The following PTPRQ variants were observed in gnomAD, a reference collection of about 807,000 sequenced individuals.
PTPRQ encodes protein tyrosine phosphatase receptor type Q, also known as phosphatidylinositol phosphatase PTPRQ.
A neutral mutation model predicts 246.0 loss-of-function variants in PTPRQ; 199 were observed. That is an observed-to-expected ratio of 0.81 (90% CI 0.72 to 0.91). The LOEUF is 0.91. PTPRQ is among the 40% of genes least tolerant of loss of function. PTPRQ has a pLI of 0.00. For synonymous variants in PTPRQ, 869 were observed against 853.2 expected, an observed-to-expected ratio of 1.02 and a Z score of -0.32; for missense variants, 2,624 against 2,528.4, an observed-to-expected ratio of 1.04 and a Z score of -0.81.
intron 18 of PTPRQ, among the ~76,000 whole-genome samples, chr12:80,534,630 A>G (rs543453029): frequency 1.6e-4 from 25 of 152,118 alleles, no homozygotes; most frequent in Admixed American, 5.9e-4. Context: ...TCATATCCAG[A>G]GCAGTGGACA....
intron 25 of PTPRQ, among the ~76,000 whole-genome samples, chr12:80,552,753 G>A (rs532704690): frequency 2.2e-4 from 31 of 143,742 alleles, no homozygotes; most frequent in Non-Finnish European, 3.8e-4. Flanking sequence ...TAGAGATTGA[G>A]GGGATTCAAA....
chr12:80,642,622 A>G (rs1460244580), intron 35 of PTPRQ, among the ~76,000 whole-genome samples: 1 of 152,158 alleles, frequency 6.6e-6, no homozygotes, highest in Non-Finnish European at 1.5e-5. Context: ...TTTAAATAAA[A>G]ATAAATAACA....
At chr12:80,527,576 G>A (rs1293113869) in intron 17 of PTPRQ, among the ~76,000 whole-genome samples, 3 of 151,536 alleles carry the variant, frequency 2.0e-5, no homozygotes, top group Non-Finnish European at 2.9e-5. Context: ...ATTTACAAAA[G>A]AGAAAAACAA....
chr12:80,496,187 G>T (rs1894614308), intron 13 of PTPRQ, 63 bp from the exon 14 acceptor site: 1 of 1,543,168 alleles, frequency 6.5e-7, no homozygotes, highest in East Asian at 2.4e-5. Flanking sequence ...GCTACCTCTA[G>T]GGTCTAAAGC....
chr12:80,503,824 A>AT (rs1264713463), intron 14 of PTPRQ, among the ~76,000 whole-genome samples: 4 of 151,378 alleles, frequency 2.6e-5, no homozygotes, highest in African/African-American at 4.8e-5. Flanking sequence ...TTATCCCTCA[A>AT]TTTTTTTTAT....
chr12:80,533,396 A>G (rs1005670889), intron 17 of PTPRQ, among the ~76,000 whole-genome samples: 2 of 151,998 alleles, frequency 1.3e-5, no homozygotes, highest in Non-Finnish European at 2.9e-5. Context: ...GTGATATTGT[A>G]AATACTTTAA....
intron 30 of PTPRQ, among the ~76,000 whole-genome samples, chr12:80,618,444 A>G (rs1487938756): frequency 6.6e-6 from 1 of 151,234 alleles, no homozygotes; most frequent in Non-Finnish European, 1.5e-5. Context: ...GAGCTTCTAT[A>G]CATATATTTT....
chr12:80,622,992 C>T (rs555825123), intron 33 of PTPRQ, among the ~76,000 whole-genome samples: 1 of 152,028 alleles, frequency 6.6e-6, no homozygotes, highest in South Asian at 2.1e-4. Context: ...CAACATTCTA[C>T]ATTGTTTGTG....
chr12:80,514,398 A>T (rs369483705), intron 17 of PTPRQ, among the ~76,000 whole-genome samples: 29 of 42,258 alleles, frequency 6.9e-4, no homozygotes, highest in South Asian at 2.5e-3. Context: ...ACACACACAC[A>T]CACACTCTCT....
intron 17 of PTPRQ, among the ~76,000 whole-genome samples, chr12:80,530,935 C>A (rs1204134019): frequency 6.6e-6 from 1 of 151,914 alleles, no homozygotes; most frequent in South Asian, 2.1e-4. Context: ...GCCTGTAGTA[C>A]CAGCTACTCT....
intron 7 of PTPRQ, among the ~76,000 whole-genome samples, chr12:80,471,246 G>C: frequency 6.6e-6 from 1 of 152,024 alleles, no homozygotes; most frequent in Non-Finnish European, 1.5e-5. Context: ...CTTGAGAGCT[G>C]TGGGGCAAAA....
intron 9 of PTPRQ, among the ~76,000 whole-genome samples, chr12:80,491,338 T>C (rs1258313879): frequency 1.3e-5 from 2 of 151,946 alleles, no homozygotes. Flanking sequence ...CTGTGTGGTT[T>C]GGGCATAAAG....
At chr12:80,641,847 C>T (rs1899866714) in intron 35 of PTPRQ, among the ~76,000 whole-genome samples, 1 of 151,826 alleles carries the variant, frequency 6.6e-6, no homozygotes, top group South Asian at 2.1e-4. Flanking sequence ...TTCTCCTTCT[C>T]TCTTTCTCTC....
chr12:80,674,575 C>T (rs1316152354), intron 43 of PTPRQ, among the ~76,000 whole-genome samples: 1 of 152,034 alleles, frequency 6.6e-6, no homozygotes, highest in Non-Finnish European at 1.5e-5. Flanking sequence ...GATATTTGAG[C>T]TTCTACTCTA....
At chr12:80,654,252 G>A (rs1426522333) in intron 38 of PTPRQ, among the ~76,000 whole-genome samples, 1 of 152,072 alleles carries the variant, frequency 6.6e-6, no homozygotes, top group South Asian at 2.1e-4. Context: ...GTGCCGCCAT[G>A]CCCAGCTAAT....
At chr12:80,588,846 G>A (rs891291116) in intron 26 of PTPRQ, among the ~76,000 whole-genome samples, 3 of 152,136 alleles carry the variant, frequency 2.0e-5, no homozygotes, top group African/African-American at 7.2e-5. Context: ...CCTTTTCAGT[G>A]ACTTCAAACT....
chr12:80,614,083 TAAAAG>T (rs1195604495), intron 29 of PTPRQ, among the ~76,000 whole-genome samples: 1 of 150,084 alleles, frequency 6.7e-6, no homozygotes, highest in Non-Finnish European at 1.5e-5. Flanking sequence ...AACTCAGACA[TAAAAG>T]AGAAAGAAAA....
intron 27 of PTPRQ, among the ~76,000 whole-genome samples, chr12:80,606,107 TGA>T (rs1307710319): frequency 6.6e-6 from 1 of 151,040 alleles, no homozygotes; most frequent in Admixed American, 6.6e-5. Flanking sequence ...CAGAAGATTA[TGA>T]GGAGGAACAG....
intron 37 of PTPRQ, among the ~76,000 whole-genome samples, chr12:80,650,453 C>T (rs901798436): frequency 2.6e-5 from 4 of 151,876 alleles, no homozygotes; most frequent in Admixed American, 2.0e-4. Flanking sequence ...TTAAGAAAGA[C>T]AGATTTCTAC....
Sources: gnomAD v4.1 joint callset for allele counts (sites outside exome capture counted in the v4.1 genomes callset) on GRCh38, gnomAD v4.1.1 for gene constraint, MANE v1.5 for transcripts, NCBI Gene and HGNC (gene_info 2026-07-23, HGNC 2026-07-21) for gene names.